C3: variants seen among roughly 807,000 people sequenced by gnomAD.
C3 encodes the protein C3 and PZP-like alpha-2-macroglobulin domain-containing protein 1.
In C3, 97 loss-of-function variants were observed where a neutral mutation model predicts 207.9. That is an observed-to-expected ratio of 0.47 (90% CI 0.40 to 0.55). The LOEUF is 0.55. C3 is among the 20% of genes least tolerant of loss of function. The probability of loss-of-function intolerance (pLI) is 0.00; values close to 1 mark genes in which losing one functional copy is unlikely to be tolerated. For synonymous variants in C3, 848 were observed against 857.6 expected (o/e 0.99, Z 0.20); for missense variants, 1,684 against 2,171.7 (o/e 0.78, Z 4.46).
At chr19:6,720,147 A>G (rs1357984766) in intron 1 of C3, among the ~76,000 whole-genome samples, 1 of 152,150 alleles carries the variant, frequency 6.6e-6, no homozygotes, top group Non-Finnish European at 1.5e-5. Flanking sequence ...CCAAACTCCA[A>G]TTCCACCATA....
intron 19 of C3, 35 bp from the exon 20 acceptor site, chr19:6,697,829 G>C (rs747129428): frequency 6.2e-7 from 1 of 1,600,208 alleles, no homozygotes; most frequent in East Asian, 2.3e-5. Flanking sequence ...GAGTGTCAAG[G>C]TCGGGGAGTG....
chr19:6,697,416 C>G lies in C3; in HGVS notation c.2724G>C (p.Gln908His), dbSNP rs1488732194. Residue 908 changes from glutamine (Q) to histidine (H), a missense_variant, in exon 21 of 41, where the codon CAG becomes CAC. By Grantham distance (24) the Gln-to-His change is conservative. Around this residue, in one of 3 missense-constraint regions of C3, gnomAD observed 1,280 missense variants for 1,739.1 expected, o/e 0.74. Transcript: ENST00000245907. ...YVIVPLKTGL[Q>H]EVEVKAAVYH... ...AGACAGCAGCCTTGACTTCCACTTC[C>G]TGCAGGCCGGTCTTTAGCGGCACGA... is the stretch of plus-strand genomic sequence containing the variant. The G allele has an allele frequency of 1.2e-6, 2 of 1,614,036 alleles. No homozygotes were observed. The highest frequency in any genetic ancestry group is 2.2e-5 in the South Asian group (2 of 91,078).
At position 6,697,471 on chromosome 19, in the gene C3, G is replaced by C. The variant is rs753876258; in HGVS notation, c.2669C>G (p.Pro890Arg). 1.4e-5 allele frequency: 22 copies of C among 1,613,828 alleles called. No homozygotes were observed. The highest frequency in any genetic ancestry group is 8.0e-5 in the African/African-American group (6 of 74,830). The stretch of plus-strand genomic sequence containing the variant: ...ATATGGAACGGACAACGAGGACTTG[G>C]GGGGGATGGTTACGGTCTGCTGGTG... ...RRHQQTVTIP[P>R]KSSLSVPYVI... The change falls in exon 21 of 41, where the codon CCC becomes CGC. Residue 890 changes from proline to arginine, a missense_variant. Pro to Arg is a moderately radical substitution (Grantham distance 103). This residue lies in a region of C3 where 1,280 missense variants were observed against 1,739.1 expected (regional missense o/e 0.74). Transcript: ENST00000245907.
rs200094017 is a variant in C3, at chr19:6,697,041, C to CAAAAAAAA, written c.2796+302_2796+303insTTTTTTTT. ...TGGGGAACAGAGTGAGACTCTGTCT[C>CAAAAAAAA]AAAAAAATAAACAAACAAATAAATA... On this transcript the variant is annotated intron_variant, in intron 21 of 40. Coordinates refer to ENST00000245907, the MANE Select transcript of C3 (RefSeq NM_000064.4). 3.7e-3 allele frequency among the ~76,000 whole-genome samples: 261 copies of CAAAAAAAA among 71,212 alleles called. 3 individuals carry two copies. Among genetic ancestry groups the CAAAAAAAA allele is most frequent in the African/African-American group, 0.011 (209 of 19,780 alleles). 46.7% of individuals were successfully genotyped at this position (71,212 alleles called of 152,430 possible). A position where few individuals can be genotyped will look rare whatever the true frequency, so the allele number is the denominator to read the frequency against.
intron 27 of C3, among the ~76,000 whole-genome samples, chr19:6,688,890 T>C (rs1192080755): frequency 3.3e-5 from 5 of 152,198 alleles, no homozygotes; most frequent in Admixed American, 6.6e-5. Context: ...GGTCCAGATA[T>C]AGTCATCTGA....
At chr19:6,704,721 T>C (rs1967738109) in intron 17 of C3, among the ~76,000 whole-genome samples, 1 of 152,012 alleles carries the variant, frequency 6.6e-6, no homozygotes, top group Non-Finnish European at 1.5e-5. Flanking sequence ...ATTGCACCAC[T>C]GTACTGCAGC....
At position 6,710,828 on chromosome 19, in the gene C3, C is replaced by T. The variant is rs770995083; in HGVS notation, c.1497G>A (p.Arg499=). The part of the protein sequence containing the change: ...YYTYLIMNKG[R]LLKAGRQVRE... ...GCACCTGGCGTCCCGCCTTCAACAG[C>T]CTGCCCTTGTTCATGATCTGGGGGG... Residue 499 remains arginine (R), a synonymous_variant, in exon 13 of 41, where the codon AGG becomes AGA. Transcript: ENST00000245907. 6.2e-7 allele frequency: 1 copy of T among 1,613,920 alleles called. No homozygotes were observed.
chr19:6,699,579 A>G (rs1228003620), intron 19 of C3, among the ~76,000 whole-genome samples: 2 of 152,120 alleles, frequency 1.3e-5, no homozygotes, highest in Non-Finnish European at 2.9e-5. Flanking sequence ...CTCTACTAAA[A>G]AAAGAAAACT....
At chr19:6,713,679 C>A in intron 7 of C3, 170 bp from the exon 8 acceptor site, 1 of 484,724 alleles carries the variant, frequency 2.1e-6, no homozygotes, top group Non-Finnish European at 3.8e-6. Context: ...CCACCTTGCC[C>A]CACTCCCACC....
chr19:6,703,933 C>T (rs1296112868), intron 17 of C3, among the ~76,000 whole-genome samples: 77 of 151,092 alleles, frequency 5.1e-4, no homozygotes, highest in Non-Finnish European at 1.3e-4. Context: ...GGCGACAGAG[C>T]GAGACTCCCT....
chr19:6,693,500 G>A lies in C3; in HGVS notation c.3155-13C>T, dbSNP rs1237297550. 38 of 1,609,714 alleles carry A rather than the reference G, an allele frequency of 2.4e-5. No individual in the cohort carries two copies. The highest frequency in any genetic ancestry group is 3.1e-5 in the Non-Finnish European group (37 of 1,178,632). ...TGCTGGGTGTACCCTGCAGAGAAGA[G>A]AGAGGAACCCCCAAAAGAGCCGGGG... is the stretch of plus-strand genomic sequence containing the variant. On this transcript the variant is annotated splice_polypyrimidine_tract_variant and intron_variant, in intron 24 of 40. Transcript: ENST00000245907.
chr19:6,677,737 G>A lies in C3; in HGVS notation c.*145C>T. The A allele has an allele frequency of 9.8e-7, 1 of 1,018,016 alleles. No individual in the cohort carries two copies. The highest frequency in any genetic ancestry group is 1.5e-5 in the South Asian group (1 of 68,072). The allele number at this position is 1,018,016 out of a possible 1,614,324, so 63.1% of individuals were successfully genotyped here. A position where few individuals can be genotyped will look rare whatever the true frequency, so the allele number is the denominator to read the frequency against. On this transcript the variant is annotated 3_prime_UTR_variant, in exon 41 of 41. Coordinates refer to ENST00000245907, the MANE Select transcript of C3 (RefSeq NM_000064.4). ...CAGGCGAACGCCAGGAGAAAATGCG[G>A]TGGGAACAGGTGAGGTTTCAAGTAG...
At chr19:6,692,860 G>A (rs1264303071) in intron 26 of C3, 64 bp downstream of exon 26, 11 of 1,573,074 alleles carry the variant, frequency 7.0e-6, no homozygotes, top group African/African-American at 1.3e-5. Flanking sequence ...GCTCTCTCTC[G>A]TGTTCATCCT....
chr19:6,711,142 G>T lies in C3; in HGVS notation c.1324C>A (p.Gln442Lys). The T allele has an allele frequency of 6.2e-7, 1 of 1,614,058 alleles. No individual in the cohort carries two copies. Among genetic ancestry groups the T allele is most frequent in the South Asian group, 1.1e-5 (1 of 91,090 alleles). Residue 442 changes from glutamine (Q) to lysine (K), a missense_variant, in exon 12 of 41, where the codon CAG (glutamine) becomes AAG (lysine). By Grantham distance (53) the Gln-to-Lys change is moderately conservative. Transcript: ENST00000245907. The part of the protein sequence containing the change: ...SEAEQATRTM[Q>K]ALPYSTVGNS... Reference sequence around the variant, plus strand: ...CCCACGGTGCTGTAGGGCAGAGCCTGCATGGTCCTGGTAGCCTGCTCTGCC... The same window carrying T: ...CCCACGGTGCTGTAGGGCAGAGCCTTCATGGTCCTGGTAGCCTGCTCTGCC...
At chr19:6,686,658 C>T (rs185743944) in intron 28 of C3, 88 bp downstream of exon 28, 40 of 1,376,928 alleles carry the variant, frequency 2.9e-5, no homozygotes, top group Admixed American at 6.7e-5. Context: ...TGTCCCAGCT[C>T]AGCTAAAAGC....
chr19:6,688,580 C>T (rs1049186211), intron 27 of C3, among the ~76,000 whole-genome samples: 2 of 150,840 alleles, frequency 1.3e-5, no homozygotes, highest in East Asian at 3.9e-4. Context: ...AGTGCAGTGG[C>T]GCAATCTCGG....
Position 6,702,129 on chromosome 19 carries a change from T to G in C3, c.2438A>C (p.Lys813Thr). The change falls in exon 19 of 41, where the codon AAA becomes ACA. Residue 813 changes from lysine to threonine, a missense_variant and splice_region_variant. By Grantham distance (78) the Lys-to-Thr change is moderately conservative (BLOSUM62 -1). Coordinates refer to ENST00000245907, the MANE Select transcript of C3 (RefSeq NM_000064.4). Reference protein sequence around the residue: ...EILAVSMSDKKGICVADPFEV... With the variant: ...EILAVSMSDKTGICVADPFEV... ...GACCAGCCAGCATCCTCTCTCACCTTTCTTGTCCGACATGCTCACAGCCAG... is the reference window on the plus strand; with the variant it reads ...GACCAGCCAGCATCCTCTCTCACCTGTCTTGTCCGACATGCTCACAGCCAG... 1 of 1,576,892 alleles carries G rather than the reference T, an allele frequency of 6.3e-7. No homozygotes were observed. Among genetic ancestry groups the G allele is most frequent in the Non-Finnish European group, 8.7e-7 (1 of 1,147,606 alleles).
intron 17 of C3, among the ~76,000 whole-genome samples, chr19:6,706,730 C>A (rs114378369): frequency 4.8e-5 from 7 of 145,796 alleles, no homozygotes; most frequent in Admixed American, 2.7e-4. Flanking sequence ...CATCCTCCCC[C>A]CTCAGACAGA....
chr19:6,680,930 G>A lies in C3; in HGVS notation c.4351-667C>T, dbSNP rs139123600. Among the ~76,000 whole-genome samples the A allele has an allele frequency of 2.5e-3, 381 of 152,210 alleles. 1 individual carries two copies. The highest frequency in any genetic ancestry group is 8.4e-3 in the African/African-American group (349 of 41,524). On this transcript the variant is annotated intron_variant, in intron 35 of 40. Transcript: ENST00000245907. ...TAACAGAAGAGGTGGCAGGTGTGGT[G>A]GCTCATGCTTGGAATCCCAGCCCTT...
Sources: allele counts gnomAD v4.1 joint callset (sites outside exome capture counted in the v4.1 genomes callset), GRCh38; gene constraint gnomAD v4.1.1; regional missense constraint gnomAD v4.1.1; transcripts MANE v1.5; gene names NCBI Gene and HGNC (gene_info 2026-07-23, HGNC 2026-07-21).